MCC: variants seen among roughly 807,000 people sequenced by gnomAD.
The protein encoded by MCC is colorectal mutant cancer protein.
MCC carries 90 observed loss-of-function variants against 116.2 expected under a neutral mutation model. The observed-to-expected ratio is 0.77, with a 90% CI of 0.65 to 0.92. The LOEUF (loss-of-function observed/expected upper bound fraction) is 0.92, where lower values mean the gene tolerates loss of function less well. Ranked by LOEUF, MCC falls within the 40% of genes least tolerant of loss-of-function variation. The probability of loss-of-function intolerance (pLI) is 0.00; values close to 1 mark genes in which losing one functional copy is unlikely to be tolerated. For missense variants in MCC, 1,516 were observed against 1,312.2 expected, an observed-to-expected ratio of 1.16 and a Z score of -2.40; for synonymous variants, 578 against 510.5, an observed-to-expected ratio of 1.13 and a Z score of -1.78.
At chr5:113,121,582 G>C (rs902578640) in intron 6 of MCC, among the ~76,000 whole-genome samples, 7 of 152,160 alleles carry the variant, frequency 4.6e-5, no homozygotes, top group African/African-American at 1.7e-4. Flanking sequence ...TGTAACCCTA[G>C]ACTGAATCAA....
At chr5:113,138,321 T>C (rs1758963415) in intron 5 of MCC, among the ~76,000 whole-genome samples, 1 of 152,194 alleles carries the variant, frequency 6.6e-6, no homozygotes, top group Non-Finnish European at 1.5e-5. Context: ...CACGCCAAAA[T>C]TCTTATGTTG....
At chr5:113,487,721 G>T (rs1772576797) in intron 1 of MCC, among the ~76,000 whole-genome samples, 1 of 152,352 alleles carries the variant, frequency 6.6e-6, no homozygotes, top group East Asian at 1.9e-4. Flanking sequence ...TTTGGGCTCT[G>T]AAGTTTGGAA....
chr5:113,250,791 T>C (rs894756244), intron 3 of MCC, among the ~76,000 whole-genome samples: 30 of 152,158 alleles, frequency 2.0e-4, no homozygotes, highest in African/African-American at 6.5e-4. Flanking sequence ...CATGTGTAAT[T>C]CCACTCCCTC....
intron 17 of MCC, among the ~76,000 whole-genome samples, chr5:113,041,039 T>C (rs1751674949): frequency 6.6e-6 from 1 of 152,178 alleles, no homozygotes; most frequent in Admixed American, 6.5e-5. Context: ...TTAGGATTTG[T>C]TGAGGGCATT....
chr5:113,314,989 G>A (rs1206124096), intron 3 of MCC, among the ~76,000 whole-genome samples: 1 of 152,092 alleles, frequency 6.6e-6, no homozygotes, highest in Non-Finnish European at 1.5e-5. Context: ...CTGGATTCTG[G>A]CCTTTGATTC....
chr5:113,237,624 G>C (rs962662047), intron 3 of MCC, among the ~76,000 whole-genome samples: 1 of 152,136 alleles, frequency 6.6e-6, no homozygotes, highest in South Asian at 2.1e-4. Context: ...AGGGGAAAAC[G>C]GGCCGGCTGT....
At chr5:113,456,392 T>C (rs1227129024) in intron 1 of MCC, among the ~76,000 whole-genome samples, 1 of 152,190 alleles carries the variant, frequency 6.6e-6, no homozygotes, top group Non-Finnish European at 1.5e-5. Flanking sequence ...TTTGAACATT[T>C]TACATTACAT....
At chr5:113,336,728 T>A (rs985757273) in intron 3 of MCC, among the ~76,000 whole-genome samples, 5 of 152,212 alleles carry the variant, frequency 3.3e-5, no homozygotes, top group African/African-American at 1.2e-4. Context: ...TTCTGTATAA[T>A]GTGTGGCCAT....
rs1325118156 is a variant in MCC at position 113,097,928 on chromosome 5, G to C, written c.1398+3811C>G. Among the ~76,000 whole-genome samples, 2 of 152,214 alleles carry C rather than the reference G, an allele frequency of 1.3e-5. 1 individual carries two copies. Among genetic ancestry groups the C allele is most frequent in the African/African-American group, 4.8e-5 (2 of 41,448 alleles). ...CCCCCAGGATGAGAGAGGCCCAGGA[G>C]AGACAGATGGAACTCATTCCAAGAC... On this transcript the variant is annotated intron_variant, in intron 8 of 18. Transcript: ENST00000408903.
chr5:113,126,050 A>G (rs1181869125), intron 5 of MCC, among the ~76,000 whole-genome samples: 4 of 152,226 alleles, frequency 2.6e-5, no homozygotes, highest in Non-Finnish European at 5.9e-5. Flanking sequence ...ATGGAATGAC[A>G]AAGTTCTCAG....
intron 8 of MCC, among the ~76,000 whole-genome samples, chr5:113,096,172 TGAG>T (rs1242616449): frequency 1.3e-5 from 2 of 152,166 alleles, no homozygotes; most frequent in African/African-American, 4.8e-5. Context: ...AGGCTGGGCA[TGAG>T]GAGAAGGCAG....
At chr5:113,118,750 T>G (rs1267842663) in intron 6 of MCC, among the ~76,000 whole-genome samples, 1 of 152,132 alleles carries the variant, frequency 6.6e-6, no homozygotes, top group Non-Finnish European at 1.5e-5. Flanking sequence ...TGAAAAAATT[T>G]AATTGGAAAA....
At chr5:113,112,093 C>A (rs1757132556) in intron 6 of MCC, among the ~76,000 whole-genome samples, 1 of 152,212 alleles carries the variant, frequency 6.6e-6, no homozygotes, top group Non-Finnish European at 1.5e-5. Flanking sequence ...AAGCAGTCCC[C>A]TCTTTACCAG....
chr5:113,216,318 C>T (rs1218296067), intron 3 of MCC, among the ~76,000 whole-genome samples: 2 of 152,166 alleles, frequency 1.3e-5, no homozygotes, highest in South Asian at 2.1e-4. Context: ...TGTTATTCTG[C>T]TGCCCAATGA....
In MCC at chr5:113,434,468, G is replaced by T; in HGVS notation, c.171-49256C>A. On this transcript the variant is annotated intron_variant, in intron 1 of 18. Transcript: ENST00000408903. The surrounding 1 kb of genome is among the most constrained non-coding windows in gnomAD (Gnocchi z 4.2). Reference sequence around the variant, plus strand: ...CGACGTCCAGGTCGTGGCAGTACTTGATGGCCAAGGAAAGCTGGTGGAACT... The same window carrying T: ...CGACGTCCAGGTCGTGGCAGTACTTTATGGCCAAGGAAAGCTGGTGGAACT... 1.2e-6 allele frequency: 2 copies of T among 1,613,724 alleles called. No homozygotes were observed. Among genetic ancestry groups the T allele is most frequent in the Admixed American group, 1.7e-5 (1 of 60,002 alleles).
chr5:113,065,334 G>T (rs904919948), intron 13 of MCC, among the ~76,000 whole-genome samples: 1 of 152,054 alleles, frequency 6.6e-6, no homozygotes. Flanking sequence ...TCTCAGTTTT[G>T]CTGTGAACCT....
Position 113,143,311 on chromosome 5 carries a change from G to A in MCC, c.791C>T (p.Thr264Met), listed in dbSNP as rs377332690. Residue 264 changes from threonine to methionine, a missense_variant, in exon 5 of 19, where the codon ACG becomes ATG. Thr to Met is a moderately conservative substitution (Grantham distance 81). Transcript: ENST00000408903. ...GATGCGTTCCTCATAGCGAAGTGTCGTTCGCTCCTGGACATCCTCATGCTC... is the reference window on the plus strand; with the variant it reads ...GATGCGTTCCTCATAGCGAAGTGTCATTCGCTCCTGGACATCCTCATGCTC... Reference protein sequence around the residue: ...MREHEDVQERTTLRYEERITE... With the variant: ...MREHEDVQERMTLRYEERITE... 7.1e-5 allele frequency: 114 copies of A among 1,613,582 alleles called. No homozygotes were observed. The highest frequency in any genetic ancestry group is 5.6e-4 in the East Asian group (25 of 44,858).
chr5:113,132,423 C>CACACATATATATAT (rs1561384956), intron 5 of MCC, among the ~76,000 whole-genome samples: 20 of 130,178 alleles, frequency 1.5e-4, no homozygotes, highest in African/African-American at 6.3e-4. Context: ...TATATACACA[C>CACACATATATATAT]ATACATATAT....
intron 3 of MCC, among the ~76,000 whole-genome samples, chr5:113,255,836 C>T (rs765177326): frequency 6.6e-6 from 1 of 152,206 alleles, no homozygotes; most frequent in Non-Finnish European, 1.5e-5. Context: ...TTTACAAATG[C>T]ATAAAATGCT....
Sources: gnomAD v4.1 joint callset for allele counts (sites outside exome capture counted in the v4.1 genomes callset) on GRCh38, gnomAD v4.1.1 for gene constraint, Gnocchi (gnomAD v3.1) non-coding constraint, MANE v1.5 for transcripts, NCBI Gene and HGNC (gene_info 2026-07-23, HGNC 2026-07-21) for gene names.